Variants in DHRSX observed in about 807,000 individuals in gnomAD.
DHRSX encodes the protein polyprenol dehydrogenase.
DHRSX carries 31 observed loss-of-function variants against 34.0 expected under a neutral mutation model. The observed-to-expected ratio is 0.91, with a 90% CI of 0.69 to 1.23. The LOEUF (loss-of-function observed/expected upper bound fraction) is 1.23. DHRSX is among the 50% of genes most tolerant of loss of function. DHRSX has a pLI of 0.00. For synonymous variants in DHRSX, 201 were observed against 183.8 expected, an observed-to-expected ratio of 1.09 and a Z score of -0.76; for missense variants, 414 against 428.1, an observed-to-expected ratio of 0.97 and a Z score of 0.29.
intron 4 of DHRSX, among the ~76,000 whole-genome samples, chrX:2,275,194 A>G (rs942998732): frequency 6.6e-6 from 1 of 151,952 alleles, no homozygotes; most frequent in Non-Finnish European, 1.5e-5. Flanking sequence ...AAATCAAAGG[A>G]AAGTATAAAA....
intron 1 of DHRSX, among the ~76,000 whole-genome samples, chrX:2,480,572 A>G (rs2044753821): frequency 6.6e-6 from 1 of 151,824 alleles, no homozygotes; most frequent in Admixed American, 6.6e-5. Flanking sequence ...AGTCCCAGCT[A>G]CTTGGGAGGC....
chrX:2,244,302 CCTCTCT>C (rs780533250), intron 5 of DHRSX, among the ~76,000 whole-genome samples: 1 of 150,534 alleles, frequency 6.6e-6, no homozygotes, highest in African/African-American at 2.4e-5. Flanking sequence ...GAGTAACGTG[CCTCTCT>C]CTCTCTCTCT....
At chrX:2,437,992 A>G (rs150751596) in intron 1 of DHRSX, among the ~76,000 whole-genome samples, 1,462 of 134,036 alleles carry the variant, frequency 0.011, 39 homozygotes, top group Admixed American at 0.065. Flanking sequence ...CCTGTGTGCT[A>G]TTGGATAACC....
intron 3 of DHRSX, among the ~76,000 whole-genome samples, chrX:2,347,522 C>T (rs752222816): frequency 3.6e-4 from 55 of 152,112 alleles, no homozygotes; most frequent in African/African-American, 1.3e-3. Flanking sequence ...GGCAAAAGCC[C>T]GTCTCTAGTA....
chrX:2,351,569 G>A (rs1372494988), intron 3 of DHRSX, among the ~76,000 whole-genome samples: 1 of 152,154 alleles, frequency 6.6e-6, no homozygotes, highest in Admixed American at 6.5e-5. Flanking sequence ...CCAGTGTGCT[G>A]GACATGGGGA....
At chrX:2,477,235 G>C (rs2044693680) in intron 1 of DHRSX, among the ~76,000 whole-genome samples, 1 of 152,112 alleles carries the variant, frequency 6.6e-6, no homozygotes, top group Non-Finnish European at 1.5e-5. Flanking sequence ...ACTGATCAAA[G>C]AATGGGTACC....
intron 1 of DHRSX, among the ~76,000 whole-genome samples, chrX:2,431,886 C>G (rs1159182101): frequency 1.3e-5 from 2 of 152,060 alleles, no homozygotes; most frequent in Admixed American, 6.6e-5. Context: ...TGCACATGTA[C>G]CCCCGAACCT....
At chrX:2,289,122 A>ATTT (rs752457468) in intron 4 of DHRSX, among the ~76,000 whole-genome samples, 1 of 142,942 alleles carries the variant, frequency 7.0e-6, no homozygotes, top group African/African-American at 2.6e-5. Context: ...GACATTCCTA[A>ATTT]TTTTTTTTTT....
intron 1 of DHRSX, among the ~76,000 whole-genome samples, chrX:2,460,456 T>G (rs1457008092): frequency 2.0e-5 from 3 of 152,182 alleles, no homozygotes; most frequent in Non-Finnish European, 4.4e-5. Context: ...CCCAGGCTAT[T>G]GCCCAGCCTG....
chrX:2,489,701 T>C (rs1243669721), intron 1 of DHRSX: 2 of 1,612,732 alleles, frequency 1.2e-6, no homozygotes, highest in African/African-American at 2.7e-5. Context: ...GTGGGCCACG[T>C]TCTGCTGCTT....
At chrX:2,224,893 ACACT>A (rs1172268688) in intron 6 of DHRSX, among the ~76,000 whole-genome samples, 1 of 125,930 alleles carries the variant, frequency 7.9e-6, no homozygotes. Context: ...ACACATGCTC[ACACT>A]CGCACACACA....
intron 3 of DHRSX, among the ~76,000 whole-genome samples, chrX:2,330,070 CGGCGGGGGGGGGGGGGGGGGGGGG>C (rs2042439217): frequency 9.4e-5 from 7 of 74,826 alleles, no homozygotes; most frequent in Admixed American, 2.0e-4. Context: ...AGCAGAGAGA[CGGCGGGGGGGGGGGGGGGGGGGGG>C]AGGGAGGGAG....
chrX:2,359,438 G>C (rs1325362737), intron 3 of DHRSX, among the ~76,000 whole-genome samples: 1 of 152,178 alleles, frequency 6.6e-6, no homozygotes. Flanking sequence ...AGCACTTTGG[G>C]AGGCCAAGGC....
intron 3 of DHRSX, chrX:2,334,714 C>T (rs767065764): frequency 2.0e-5 from 3 of 152,254 alleles, no homozygotes; most frequent in Admixed American, 1.3e-4. Flanking sequence ...CTTCTGAAAG[C>T]ATTGCGATTA....
Position 2,339,205 on chromosome X carries a change from G to A in DHRSX, c.287-47602C>T, listed in dbSNP as rs1290565976. Among the ~76,000 whole-genome samples the A allele has an allele frequency of 7.2e-5, 11 of 151,842 alleles. No individual in the cohort carries two copies. The East Asian group carries it at 1.4e-3, about 19-fold the overall frequency. ...GGCTGGAGCGCAGTGGCATGATCTC[G>A]GCTCACTGCAACCTCCACCTCCCAC... On this transcript the variant is annotated intron_variant, in intron 3 of 6. Coordinates refer to ENST00000334651, the MANE Select transcript of DHRSX (RefSeq NM_145177.3).
chrX:2,472,043 G>C (rs1229216291), intron 1 of DHRSX, among the ~76,000 whole-genome samples: 1 of 151,724 alleles, frequency 6.6e-6, no homozygotes, highest in South Asian at 2.1e-4. Context: ...TACTCAGAAG[G>C]CTGAGGCAGG....
chrX:2,446,157 T>C (rs896943229), intron 1 of DHRSX, among the ~76,000 whole-genome samples: 3 of 151,346 alleles, frequency 2.0e-5, no homozygotes, highest in African/African-American at 7.3e-5. Flanking sequence ...ACTACCACCA[T>C]GTACACACTA....
At chrX:2,248,740 C>T (rs2016362718) in intron 5 of DHRSX, among the ~76,000 whole-genome samples, 1 of 152,058 alleles carries the variant, frequency 6.6e-6, no homozygotes. Context: ...CCCACCCCAC[C>T]CCCAGAAGGA....
At chrX:2,310,410 AG>A in intron 3 of DHRSX, among the ~76,000 whole-genome samples, 1 of 152,130 alleles carries the variant, frequency 6.6e-6, no homozygotes, top group Non-Finnish European at 1.5e-5. Flanking sequence ...AGTATCTCTT[AG>A]TCGTTATGCA....
Sources: allele counts gnomAD v4.1 joint callset (sites outside exome capture counted in the v4.1 genomes callset), GRCh38; gene constraint gnomAD v4.1.1; transcripts MANE v1.5; gene names NCBI Gene and HGNC (gene_info 2026-07-23, HGNC 2026-07-21).